The following SAMSN1 variants were observed in gnomAD, a reference collection of about 807,000 sequenced individuals.
The protein encoded by SAMSN1 is SAM domain-containing protein SAMSN-1.
In SAMSN1, 31 loss-of-function variants were observed where a neutral mutation model predicts 42.0. The observed-to-expected ratio is 0.74, with a 90% CI of 0.55 to 1.00. The LOEUF (loss-of-function observed/expected upper bound fraction) is 1.00, where lower values mean the gene tolerates loss of function less well. Ranked by LOEUF, SAMSN1 falls within the 50% of genes least tolerant of loss-of-function variation. The pLI is 0.00. For synonymous variants in SAMSN1, 178 were observed against 151.9 expected (o/e 1.17, Z -1.26); for missense variants, 464 against 439.4 (o/e 1.06, Z -0.50).
chr21:14,541,653 TGAA>T (rs1980042482), intron 1 of SAMSN1, among the ~76,000 whole-genome samples: 2 of 152,206 alleles, frequency 1.3e-5, no homozygotes, highest in African/African-American at 2.4e-5. Context: ...TAGAGTAGAC[TGAA>T]GAAACTTCAT....
At chr21:14,580,551 G>A (rs1345706747) in intron 2 of SAMSN1, among the ~76,000 whole-genome samples, 1 of 152,170 alleles carries the variant, frequency 6.6e-6, no homozygotes, top group Non-Finnish European at 1.5e-5. Context: ...GCAAAGTGCA[G>A]CAGTCCCAGA....
At chr21:14,557,245 C>T (rs1006061305) in intron 2 of SAMSN1, among the ~76,000 whole-genome samples, 1 of 152,140 alleles carries the variant, frequency 6.6e-6, no homozygotes, top group African/African-American at 2.4e-5. Flanking sequence ...AGCCTGACAC[C>T]TGTCCTCTCC....
chr21:14,546,478 T>C (rs1980399927), upstream of SAMSN1: 2 of 599,740 alleles, frequency 3.3e-6, no homozygotes, highest in Non-Finnish European at 5.1e-6. Flanking sequence ...CTTGCTATTT[T>C]CTATGAGGTA....
intron 7 of SAMSN1, chr21:14,591,900 T>C (rs1307123182): frequency 1.3e-5 from 2 of 152,162 alleles, no homozygotes; most frequent in Non-Finnish European, 2.9e-5. Context: ...GAAAGGAGTC[T>C]TTCAGAAGCC....
intron 1 of SAMSN1, among the ~76,000 whole-genome samples, chr21:14,655,679 T>C (rs558532218): frequency 1.3e-5 from 2 of 151,718 alleles, no homozygotes; most frequent in Admixed American, 1.3e-4. Flanking sequence ...TTAAAAAAAA[T>C]TTCCTCATGA....
intron 1 of SAMSN1, among the ~76,000 whole-genome samples, chr21:14,649,312 T>C (rs1983783883): frequency 6.7e-6 from 1 of 149,232 alleles, no homozygotes; most frequent in South Asian, 2.2e-4. Flanking sequence ...TTGGGAGATA[T>C]ACCTAATGCT....
intron 7 of SAMSN1, chr21:14,591,201 C>T (rs1048681961): frequency 6.6e-6 from 1 of 152,030 alleles, no homozygotes; most frequent in Non-Finnish European, 1.5e-5. Context: ...ATTGGAAAAA[C>T]ACAATAAAGC....
intron 1 of SAMSN1, among the ~76,000 whole-genome samples, chr21:14,645,194 G>A (rs980666742): frequency 6.6e-6 from 1 of 152,204 alleles, no homozygotes. Flanking sequence ...AGTGGTTACA[G>A]CAGGCCTTGG....
At chr21:14,573,904 A>G (rs1981380979) in intron 2 of SAMSN1, among the ~76,000 whole-genome samples, 1 of 152,160 alleles carries the variant, frequency 6.6e-6, no homozygotes, top group South Asian at 2.1e-4. Flanking sequence ...CTTCTAACAC[A>G]CCATGCTACA....
chr21:14,551,449 G>T (rs1980593044), intron 2 of SAMSN1, among the ~76,000 whole-genome samples: 1 of 152,028 alleles, frequency 6.6e-6, no homozygotes, highest in African/African-American at 2.4e-5. Context: ...AGAATGAGTA[G>T]TATCAGTTCA....
intron 2 of SAMSN1, among the ~76,000 whole-genome samples, chr21:14,571,861 A>G (rs759515760): frequency 1.2e-4 from 18 of 152,124 alleles, no homozygotes; most frequent in Non-Finnish European, 4.4e-5. Flanking sequence ...GCTAAAAGTA[A>G]ACTCTCACCC....
intron 6 of SAMSN1, 100 bp downstream of exon 6, chr21:14,500,429 G>A: frequency 1.0e-6 from 1 of 964,772 alleles, no homozygotes. Flanking sequence ...TTGCTTGCAA[G>A]ACTTGTATTT....
In SAMSN1 at chr21:14,517,042, C is replaced by A. The variant is rs752780732; in HGVS notation, c.130-1G>T. ...CATTTGTGGGATCTCCTTCATGTGCCTAGTTTAGAATTGTTTACAAAAGAC... is the reference window on the plus strand; with the variant it reads ...CATTTGTGGGATCTCCTTCATGTGCATAGTTTAGAATTGTTTACAAAAGAC... On this transcript the variant is annotated splice_acceptor_variant, in intron 2 of 7. Transcript: ENST00000400566. LOFTEE classifies it high-confidence loss of function. 4.4e-6 allele frequency: 7 copies of A among 1,607,338 alleles called. No homozygotes were observed. Among genetic ancestry groups the A allele is most frequent in the Non-Finnish European group, 5.9e-6 (7 of 1,177,518 alleles).
At chr21:14,504,162 A>T (rs1049027256) in intron 5 of SAMSN1, among the ~76,000 whole-genome samples, 2 of 152,194 alleles carry the variant, frequency 1.3e-5, no homozygotes, top group African/African-American at 4.8e-5. Flanking sequence ...AAGGAGCCAG[A>T]AAACCAACTC....
chr21:14,638,055 G>A (rs1245980659), intron 2 of SAMSN1, among the ~76,000 whole-genome samples: 2 of 152,142 alleles, frequency 1.3e-5, no homozygotes, highest in Non-Finnish European at 2.9e-5. Flanking sequence ...CTACCTTCTG[G>A]TGTGTCTTTC....
At chr21:14,494,168 T>G (rs1986811813) in intron 7 of SAMSN1, among the ~76,000 whole-genome samples, 2 of 152,218 alleles carry the variant, frequency 1.3e-5, no homozygotes, top group Admixed American at 1.3e-4. Context: ...CTCACAGATC[T>G]AGAACCAGAA....
chr21:14,623,751 G>T (rs1481972699), intron 2 of SAMSN1, among the ~76,000 whole-genome samples: 3 of 152,084 alleles, frequency 2.0e-5, no homozygotes, highest in Non-Finnish European at 2.9e-5. Flanking sequence ...TCCAGGAATT[G>T]AACTCAGCTC....
At chr21:14,513,655 G>A (rs960943234) in intron 3 of SAMSN1, among the ~76,000 whole-genome samples, 3 of 152,088 alleles carry the variant, frequency 2.0e-5, no homozygotes, top group East Asian at 1.9e-4. Context: ...TTAGGGTTAG[G>A]GGTTGGCTGA....
intron 5 of SAMSN1, among the ~76,000 whole-genome samples, chr21:14,503,369 A>G (rs1987259673): frequency 6.6e-6 from 1 of 152,122 alleles, no homozygotes; most frequent in Admixed American, 6.5e-5. Flanking sequence ...CCAGCAAGAA[A>G]ATGGGGTCCT....
Sources: gnomAD v4.1 joint callset for allele counts (sites outside exome capture counted in the v4.1 genomes callset) on GRCh38, gnomAD v4.1.1 for gene constraint, MANE v1.5 for transcripts, NCBI Gene and HGNC (gene_info 2026-07-23, HGNC 2026-07-21) for gene names.